Variants in SH3RF3 observed in about 807,000 individuals in gnomAD.
SH3RF3 encodes the protein E3 ubiquitin-protein ligase SH3RF3.
In SH3RF3, 29 loss-of-function variants were observed where a neutral mutation model predicts 66.3. The ratio of observed to expected loss-of-function variants is 0.44; its 90% CI spans 0.33 to 0.60. The LOEUF is 0.60. Among genes scored for constraint, SH3RF3 ranks in the 20% least tolerant of loss-of-function variants. SH3RF3 has a pLI of 0.04. For synonymous variants in SH3RF3, 583 were observed against 532.0 expected (o/e 1.10, Z -1.32); for missense variants, 1,194 against 1,190.9 (o/e 1.00, Z -0.04).
Position 109,318,231 on chromosome 2 carries a change from CA to C in SH3RF3, c.574-29442del, listed in dbSNP as rs1013401509. On this transcript the variant is annotated intron_variant, in intron 1 of 9. Transcript: ENST00000309415. ...TGCCGAGATTGTAAAGTTGTGCAAGCAGAAGAATCACTTTGAAATTTGAGCG... is the reference window on the plus strand; with the variant it reads ...TGCCGAGATTGTAAAGTTGTGCAAGCGAAGAATCACTTTGAAATTTGAGCG... Among the ~76,000 whole-genome samples, 35 of 152,054 alleles carry C rather than the reference CA, an allele frequency of 2.3e-4. 1 individual carries two copies. The highest frequency in any genetic ancestry group is 6.5e-4 in the African/African-American group (27 of 41,484).
At chr2:109,299,547 C>A (rs1681406454) in intron 1 of SH3RF3, among the ~76,000 whole-genome samples, 1 of 152,130 alleles carries the variant, frequency 6.6e-6, no homozygotes, top group Admixed American at 6.5e-5. Context: ...ACTGCGCTCC[C>A]AGGGGAGTCA....
chr2:109,432,741 C>T, intron 6 of SH3RF3, 70 bp downstream of exon 6: 2 of 1,520,232 alleles, frequency 1.3e-6, no homozygotes, highest in South Asian at 2.6e-5. Flanking sequence ...GCTGTTGTTA[C>T]TGCTGGAGGC....
intron 1 of SH3RF3, among the ~76,000 whole-genome samples, chr2:109,320,536 A>G (rs1041293039): frequency 4.6e-5 from 7 of 152,184 alleles, no homozygotes; most frequent in African/African-American, 1.7e-4. Context: ...TACCTGCTGG[A>G]TACATGTTTG....
At chr2:109,218,571 T>C (rs1470817259) in intron 1 of SH3RF3, among the ~76,000 whole-genome samples, 1 of 152,156 alleles carries the variant, frequency 6.6e-6, no homozygotes, top group Non-Finnish European at 1.5e-5. Context: ...GACCTTTTCA[T>C]CTCTCGGTCA....
chr2:109,195,912 C>T (rs953410937), intron 1 of SH3RF3, among the ~76,000 whole-genome samples: 1 of 152,210 alleles, frequency 6.6e-6, no homozygotes, highest in Non-Finnish European at 1.5e-5. Context: ...GTTGCATTAT[C>T]TCATTACTGA....
At chr2:109,440,789 GC>G (rs767236322) in intron 7 of SH3RF3, among the ~76,000 whole-genome samples, 7 of 152,154 alleles carry the variant, frequency 4.6e-5, no homozygotes, top group Admixed American at 2.6e-4. Flanking sequence ...CAGAGAGGCT[GC>G]AGAGCACGCC....
At chr2:109,218,453 T>TC (rs1456940310) in intron 1 of SH3RF3, among the ~76,000 whole-genome samples, 1 of 152,204 alleles carries the variant, frequency 6.6e-6, no homozygotes, top group Non-Finnish European at 1.5e-5. Flanking sequence ...AGTTTCCACT[T>TC]CCTTTCTGCT....
intron 4 of SH3RF3, among the ~76,000 whole-genome samples, chr2:109,410,861 G>A (rs539397083): frequency 2.6e-4 from 39 of 152,204 alleles, no homozygotes; most frequent in African/African-American, 8.9e-4. Flanking sequence ...ATTTCCATTG[G>A]ATGATCTTGG....
chr2:109,488,710 T>C (rs1271811819), intron 8 of SH3RF3, among the ~76,000 whole-genome samples: 1 of 152,174 alleles, frequency 6.6e-6, no homozygotes, highest in Non-Finnish European at 1.5e-5. Context: ...AGAACTAGAC[T>C]CGGGAAACAC....
intron 3 of SH3RF3, among the ~76,000 whole-genome samples, chr2:109,383,544 A>G (rs1027009213): frequency 1.3e-5 from 2 of 152,166 alleles, no homozygotes; most frequent in African/African-American, 2.4e-5. Context: ...GATAGGGTGC[A>G]GGCTTCTGCG....
Position 109,289,104 on chromosome 2 carries a change from C to T in SH3RF3, c.574-58570C>T, listed in dbSNP as rs563932907. On this transcript the variant is annotated intron_variant, in intron 1 of 9. Transcript: ENST00000309415. The stretch of plus-strand genomic sequence containing the variant: ...GAGGAGCTGGCGTTATAAAGCTGAA[C>T]TGGATTTTCCAAGCTGTCATATGAA... 2.2e-4 allele frequency among the ~76,000 whole-genome samples: 34 copies of T among 152,280 alleles called. No homozygotes were observed. In the South Asian group the frequency reaches 6.8e-3, roughly 31 times the overall value.
intron 4 of SH3RF3, among the ~76,000 whole-genome samples, chr2:109,410,782 T>C (rs2104484801): frequency 6.6e-6 from 1 of 152,338 alleles, no homozygotes. Flanking sequence ...AGCCCTTTCC[T>C]GGGCATGGGC....
At chr2:109,471,630 G>A (rs1347926188) in intron 8 of SH3RF3, among the ~76,000 whole-genome samples, 1 of 152,192 alleles carries the variant, frequency 6.6e-6, no homozygotes, top group Non-Finnish European at 1.5e-5. Flanking sequence ...TGTATTCCAT[G>A]GGTGAGGAGG....
chr2:109,214,184 C>T (rs897513363), intron 1 of SH3RF3, among the ~76,000 whole-genome samples: 1 of 152,114 alleles, frequency 6.6e-6, no homozygotes, highest in Non-Finnish European at 1.5e-5. Context: ...GAGGCTAAGA[C>T]GCAGACTGGA....
intron 1 of SH3RF3, among the ~76,000 whole-genome samples, chr2:109,189,437 C>T (rs1276012703): frequency 6.6e-6 from 1 of 150,630 alleles, no homozygotes; most frequent in Non-Finnish European, 1.5e-5. Context: ...AGCGCTATCT[C>T]GGCTCACTGC....
At chr2:109,486,818 C>G (rs1411098374) in intron 8 of SH3RF3, among the ~76,000 whole-genome samples, 1 of 152,170 alleles carries the variant, frequency 6.6e-6, no homozygotes, top group Non-Finnish European at 1.5e-5. Flanking sequence ...GACAGCAGCC[C>G]ATCACTTCCA....
At chr2:109,229,742 T>A (rs1388248571) in intron 1 of SH3RF3, among the ~76,000 whole-genome samples, 4 of 152,192 alleles carry the variant, frequency 2.6e-5, no homozygotes, top group African/African-American at 9.6e-5. Flanking sequence ...TATTTGTCCT[T>A]TGTGTCTGGC....
chr2:109,236,694 C>G (rs925431517), intron 1 of SH3RF3, among the ~76,000 whole-genome samples: 1 of 152,140 alleles, frequency 6.6e-6, no homozygotes, highest in Non-Finnish European at 1.5e-5. Flanking sequence ...GAAAGGAAAT[C>G]CCAGGTGACA....
At chr2:109,283,005 C>A (rs1680933512) in intron 1 of SH3RF3, among the ~76,000 whole-genome samples, 1 of 152,306 alleles carries the variant, frequency 6.6e-6, no homozygotes. Flanking sequence ...GGGGTGACTG[C>A]TTGGCATGGG....
Sources: gnomAD v4.1 joint callset for allele counts (sites outside exome capture counted in the v4.1 genomes callset) on GRCh38, gnomAD v4.1.1 for gene constraint, MANE v1.5 for transcripts, NCBI Gene and HGNC (gene_info 2026-07-23, HGNC 2026-07-21) for gene names.